EPHA4: variants seen among roughly 807,000 people sequenced by gnomAD.
The protein encoded by EPHA4 is EPH receptor A4.
Under a neutral mutation model 108.3 loss-of-function variants are expected in EPHA4, and 19 were observed. That is an observed-to-expected ratio of 0.18 (90% confidence interval 0.12 to 0.26). The LOEUF is 0.26. EPHA4 is among the 10% of genes least tolerant of loss of function. The pLI is 1.00. For missense variants in EPHA4, 917 were observed against 1,254.0 expected, an observed-to-expected ratio of 0.73 and a Z score of 4.06; for synonymous variants, 449 against 455.5, an observed-to-expected ratio of 0.99 and a Z score of 0.18.
chr2:221,494,564 G>A (rs756017137), intron 4 of EPHA4, among the ~76,000 whole-genome samples: 17 of 152,102 alleles, frequency 1.1e-4, no homozygotes, highest in Non-Finnish European at 1.8e-4. Flanking sequence ...CTGAGATAGC[G>A]CCACTGTACT....
At chr2:221,435,188 A>T (rs1377684419) in intron 13 of EPHA4, among the ~76,000 whole-genome samples, 6 of 152,192 alleles carry the variant, frequency 3.9e-5, no homozygotes, top group Non-Finnish European at 7.3e-5. Flanking sequence ...GATACATTGC[A>T]GTAAACTCTG....
chr2:221,502,408 A>G (rs1692512246), intron 3 of EPHA4: 2 of 411,814 alleles, frequency 4.9e-6, no homozygotes, highest in Non-Finnish European at 1.0e-5. Flanking sequence ...TTCATTCATC[A>G]TGTCCTTAGG....
chr2:221,572,116 C>G, intron 1 of EPHA4, 42 bp downstream of exon 1: 1 of 1,546,658 alleles, frequency 6.5e-7, no homozygotes, highest in South Asian at 1.1e-5. Flanking sequence ...CCGCGATGGC[C>G]CCTCGCTGTC....
At chr2:221,532,527 A>C (rs1184274709) in intron 3 of EPHA4, 1 of 152,264 alleles carries the variant, frequency 6.6e-6, no homozygotes, top group East Asian at 1.9e-4. Context: ...AAGCAGGCAC[A>C]TGAATTAACC....
At chr2:221,529,217 T>C (rs561167654) in intron 3 of EPHA4, among the ~76,000 whole-genome samples, 3 of 152,210 alleles carry the variant, frequency 2.0e-5, no homozygotes, top group African/African-American at 4.8e-5. Context: ...TGTTCAGTAG[T>C]GAAAGCACTG....
At position 221,425,986 on chromosome 2, in the gene EPHA4, G is replaced by C; in HGVS notation, c.*42C>G. The C allele has an allele frequency of 6.5e-7, 1 of 1,535,592 alleles. No individual in the cohort carries two copies. Among genetic ancestry groups the C allele is most frequent in the East Asian group, 2.2e-5 (1 of 44,500 alleles). On this transcript the variant is annotated 3_prime_UTR_variant, in exon 17 of 18. Transcript: ENST00000281821. The stretch of plus-strand genomic sequence containing the variant: ...TTCTTCAATTAAAGTGCATGGATGA[G>C]GTAAACTAATTTCAAGAGTTTTGAG...
intron 5 of EPHA4, among the ~76,000 whole-genome samples, chr2:221,474,352 T>C (rs1021306186): frequency 2.6e-5 from 4 of 151,076 alleles, no homozygotes; most frequent in African/African-American, 9.8e-5. Flanking sequence ...TTATTAATTA[T>C]AGTGGTAGCA....
At chr2:221,553,395 G>A (rs535674351) in intron 3 of EPHA4, among the ~76,000 whole-genome samples, 2 of 152,314 alleles carry the variant, frequency 1.3e-5, no homozygotes, top group South Asian at 2.1e-4. Flanking sequence ...AGTTCTTAAG[G>A]ACAAAAGCCC....
intron 4 of EPHA4, among the ~76,000 whole-genome samples, chr2:221,498,790 CTTT>C (rs757231773): frequency 1.5e-5 from 2 of 135,664 alleles, no homozygotes; most frequent in African/African-American, 2.8e-5. Context: ...TTTTTTTTTT[CTTT>C]TTTTTTTTTT....
rs1399263718 is a variant in EPHA4, at chr2:221,476,416, T to C, written c.1318+5936A>G. Among the ~76,000 whole-genome samples, 3 of 152,322 alleles carry C rather than the reference T, an allele frequency of 2.0e-5. No individual in the cohort carries two copies. In the East Asian group the frequency reaches 5.8e-4, roughly 29 times the overall value. ...TTGTCCTTTCTGTTTTTAGGGATGA[T>C]TATGCAATAGTCTTGTTGTCTGACA... On this transcript the variant is annotated intron_variant, in intron 5 of 17. Coordinates refer to ENST00000281821, the MANE Select transcript of EPHA4 (RefSeq NM_004438.5).
At chr2:221,453,232 A>G (rs1479083358) in intron 8 of EPHA4, among the ~76,000 whole-genome samples, 1 of 152,226 alleles carries the variant, frequency 6.6e-6, no homozygotes, top group Non-Finnish European at 1.5e-5. Context: ...ATATTTTTAG[A>G]GGTGGAGGTA....
At chr2:221,461,170 A>G (rs1559250831) in intron 5 of EPHA4, among the ~76,000 whole-genome samples, 1 of 152,220 alleles carries the variant, frequency 6.6e-6, no homozygotes, top group Non-Finnish European at 1.5e-5. Flanking sequence ...TTACTGAGAA[A>G]GAATTGAAAA....
intron 3 of EPHA4, among the ~76,000 whole-genome samples, chr2:221,539,505 T>A (rs73994297): frequency 0.023 from 3,470 of 152,216 alleles, 109 homozygotes; most frequent in African/African-American, 0.071. Context: ...TGTGCAAAAT[T>A]GTGACCAGCA....
chr2:221,431,118 G>A (rs1452238526), intron 14 of EPHA4, among the ~76,000 whole-genome samples: 1 of 152,204 alleles, frequency 6.6e-6, no homozygotes, highest in Non-Finnish European at 1.5e-5. Context: ...CAAATTTATA[G>A]AGGAGAACTA....
At chr2:221,486,831 A>T (rs1691989077) in intron 4 of EPHA4, among the ~76,000 whole-genome samples, 4 of 151,604 alleles carry the variant, frequency 2.6e-5, no homozygotes, top group Admixed American at 2.6e-4. Context: ...CAGAAATTTC[A>T]AAAAATGTTT....
In EPHA4 at chr2:221,572,275, G is replaced by A. The variant is rs761595232; in HGVS notation, c.-27C>T. On this transcript the variant is annotated 5_prime_UTR_variant, in exon 1 of 18. Transcript: ENST00000281821. ...GTTCGCCGGTGCCAACGCTGCTCCT[G>A]CCGCTTCTATCCCAGTGGAATAAAT... The A allele has an allele frequency of 1.3e-6, 2 of 1,578,216 alleles. No homozygotes were observed. The highest frequency in any genetic ancestry group is 2.2e-5 in the South Asian group (2 of 90,296).
At chr2:221,422,707 G>A (rs74980450) in intron 17 of EPHA4, among the ~76,000 whole-genome samples, 6,862 of 152,236 alleles carry the variant, frequency 0.045, 212 homozygotes, top group Non-Finnish European at 0.069. Flanking sequence ...AAAGCATGTG[G>A]TCTATGTAGG....
At chr2:221,524,006 A>G (rs1693250166) in intron 3 of EPHA4, among the ~76,000 whole-genome samples, 1 of 152,168 alleles carries the variant, frequency 6.6e-6, no homozygotes, top group African/African-American at 2.4e-5. Flanking sequence ...CAAAACAAAT[A>G]TATATATAAA....
chr2:221,514,034 G>A (rs1475950170), intron 3 of EPHA4, among the ~76,000 whole-genome samples: 1 of 151,982 alleles, frequency 6.6e-6, no homozygotes, highest in African/African-American at 2.4e-5. Context: ...AAGTACAAAA[G>A]GGTGCTGGCA....
Sources: allele counts gnomAD v4.1 joint callset (sites outside exome capture counted in the v4.1 genomes callset), GRCh38; gene constraint gnomAD v4.1.1; transcripts MANE v1.5; gene names NCBI Gene and HGNC (gene_info 2026-07-23, HGNC 2026-07-21).